Variants in NXPE2 observed in about 807,000 individuals in gnomAD.
NXPE2 encodes NXPE family member 2.
Under a neutral mutation model 34.4 loss-of-function variants are expected in NXPE2, and 34 were observed. The ratio of observed to expected loss-of-function variants is 0.99; its 90% CI spans 0.75 to 1.31. The LOEUF (loss-of-function observed/expected upper bound fraction) is 1.31. NXPE2 is among the 40% of genes most tolerant of loss of function. The pLI, the probability that NXPE2 is intolerant of heterozygous loss-of-function variation, is 0.00. For missense variants in NXPE2, 649 were observed against 672.5 expected (o/e 0.97, Z 0.39); for synonymous variants, 235 against 231.3 (o/e 1.02, Z -0.15).
At chr11:114,724,507 C>T in the NXPE2 span, among the ~76,000 whole-genome samples, 1 of 152,090 alleles carries the variant, frequency 6.6e-6, no homozygotes, top group Non-Finnish European at 1.5e-5. Context: ...TTTTTGCCAT[C>T]TATTTTTCCC....
At chr11:114,535,008 A>C in the NXPE2 span, among the ~76,000 whole-genome samples, 1 of 152,218 alleles carries the variant, frequency 6.6e-6, no homozygotes, top group Non-Finnish European at 1.5e-5. Context: ...AATGAAGGAA[A>C]AAATGTTAAG....
the NXPE2 span, among the ~76,000 whole-genome samples, chr11:114,559,204 C>G: frequency 6.6e-6 from 1 of 152,134 alleles, no homozygotes; most frequent in African/African-American, 2.4e-5. Context: ...TTGTTTATGA[C>G]TCATCCTACT....
chr11:114,474,083 G>T, the NXPE2 span, among the ~76,000 whole-genome samples: 1 of 152,096 alleles, frequency 6.6e-6, no homozygotes, highest in Non-Finnish European at 1.5e-5. Context: ...AAGAGGTCTG[G>T]GAAGGAACAT....
At chr11:114,781,644 G>T in the NXPE2 span, among the ~76,000 whole-genome samples, 1 of 152,112 alleles carries the variant, frequency 6.6e-6, no homozygotes, top group Non-Finnish European at 1.5e-5. Flanking sequence ...GAGATGGGAG[G>T]GTTGTAACAG....
At chr11:114,511,430 G>T in the NXPE2 span, among the ~76,000 whole-genome samples, 1 of 152,208 alleles carries the variant, frequency 6.6e-6, no homozygotes, top group Non-Finnish European at 1.5e-5. Context: ...CAAGGAGGCT[G>T]AGCAGAAAGA....
chr11:114,579,987 G>A, the NXPE2 span: 1 of 681,900 alleles, frequency 1.5e-6, no homozygotes, highest in African/African-American at 1.8e-5. Context: ...TTAAAGGAAG[G>A]ATAACAATGC....
the NXPE2 span, among the ~76,000 whole-genome samples, chr11:114,532,924 T>A: frequency 6.6e-6 from 1 of 152,182 alleles, no homozygotes; most frequent in Admixed American, 6.5e-5. Flanking sequence ...ACTTATCTGA[T>A]TGGATTGCAG....
chr11:114,704,650 C>T (rs567128400), intron 4 of NXPE2, among the ~76,000 whole-genome samples: 18 of 152,178 alleles, frequency 1.2e-4, no homozygotes, highest in Non-Finnish European at 2.4e-4. Flanking sequence ...TGTACCATTA[C>T]TCATCACCCC....
chr11:114,553,412 T>C, the NXPE2 span, among the ~76,000 whole-genome samples: 1 of 152,214 alleles, frequency 6.6e-6, no homozygotes, highest in Non-Finnish European at 1.5e-5. Context: ...TTCATATCCC[T>C]GGTCTGATAT....
At chr11:114,786,767 C>T in the NXPE2 span, among the ~76,000 whole-genome samples, 1 of 152,114 alleles carries the variant, frequency 6.6e-6, no homozygotes, top group African/African-American at 2.4e-5. Flanking sequence ...ACCTACCCCT[C>T]ACATCCAGCT....
chr11:114,791,920 T>C, the NXPE2 span, among the ~76,000 whole-genome samples: 247 of 152,088 alleles, frequency 1.6e-3, 2 homozygotes, highest in Middle Eastern at 6.8e-3. Flanking sequence ...TAGCCGGGCA[T>C]GGTGGTGGGC....
chr11:114,576,355 CTTAA>C, the NXPE2 span, among the ~76,000 whole-genome samples: 55,774 of 151,530 alleles, frequency 0.37, 10,445 homozygotes, highest in East Asian at 0.66. Context: ...ATGGATGGGA[CTTAA>C]TTAAACTAAA....
At chr11:114,568,595 A>G in the NXPE2 span, among the ~76,000 whole-genome samples, 3 of 151,938 alleles carry the variant, frequency 2.0e-5, no homozygotes, top group East Asian at 5.8e-4. Context: ...GATAAAATTT[A>G]AACTCCTTGC....
At chr11:114,784,757 G>A in the NXPE2 span, among the ~76,000 whole-genome samples, 83 of 152,218 alleles carry the variant, frequency 5.5e-4, no homozygotes, top group African/African-American at 1.9e-3. Flanking sequence ...TTCCTCTGAG[G>A]CAAAGAGATA....
chr11:114,668,169 G>A, the NXPE2 span, among the ~76,000 whole-genome samples: 1 of 151,972 alleles, frequency 6.6e-6, no homozygotes, highest in Non-Finnish European at 1.5e-5. Flanking sequence ...CTACTTTTCT[G>A]TACTCTGTTT....
the NXPE2 span, among the ~76,000 whole-genome samples, chr11:114,506,571 A>G: frequency 2.0e-5 from 3 of 152,204 alleles, no homozygotes; most frequent in African/African-American, 7.2e-5. Context: ...AATCAAGACT[A>G]AGAAATTCAC....
the NXPE2 span, chr11:114,554,031 A>G: frequency 5.1e-6 from 5 of 985,450 alleles, no homozygotes; most frequent in Middle Eastern, 1.0e-3. Context: ...AATGTCTTCT[A>G]CTTTTTCTTC....
chr11:114,611,471 G>GTAACCACTGTTACCCTGTGGA, the NXPE2 span, among the ~76,000 whole-genome samples: 1 of 151,872 alleles, frequency 6.6e-6, no homozygotes, highest in Admixed American at 6.6e-5. Context: ...TGCCTCGTGG[G>GTAACCACTGTTACCCTGTGGA]TAACCACTGT....
chr11:114,572,880 A>G, the NXPE2 span, among the ~76,000 whole-genome samples: 1 of 152,188 alleles, frequency 6.6e-6, no homozygotes, highest in Admixed American at 6.5e-5. Context: ...GAAATTCATC[A>G]CAGAAAGATC....
Sources: gnomAD v4.1 joint callset for allele counts (sites outside exome capture counted in the v4.1 genomes callset) on GRCh38, gnomAD v4.1.1 for gene constraint, MANE v1.5 for transcripts, NCBI Gene and HGNC (gene_info 2026-07-23, HGNC 2026-07-21) for gene names.